The following LRBA variants were observed in gnomAD, a reference collection of about 807,000 sequenced individuals.
LRBA encodes LPS responsive beige-like anchor protein, also known as lipopolysaccharide-responsive and beige-like anchor protein.
In LRBA, 176 loss-of-function variants were observed where a neutral mutation model predicts 330.0. The ratio of observed to expected loss-of-function variants is 0.53; its 90% CI spans 0.47 to 0.60. LRBA has a LOEUF of 0.60. Among genes scored for constraint, LRBA ranks in the 20% least tolerant of loss-of-function variants. The pLI is 0.00. For missense variants in LRBA, 3,259 were observed against 3,444.8 expected (o/e 0.95, Z 1.35); for synonymous variants, 1,230 against 1,193.0 (o/e 1.03, Z -0.64).
chr4:150,869,452 G>C (rs562742885), intron 20 of LRBA, among the ~76,000 whole-genome samples: 2 of 152,222 alleles, frequency 1.3e-5, no homozygotes, highest in East Asian at 3.9e-4. Flanking sequence ...ACTTTGGGAG[G>C]CTGAGGCAGT....
At chr4:150,625,921 G>T (rs754252826) in intron 37 of LRBA, among the ~76,000 whole-genome samples, 1 of 151,732 alleles carries the variant, frequency 6.6e-6, no homozygotes, top group Non-Finnish European at 1.5e-5. Context: ...TGTTGGCCAG[G>T]CTGGTCTTGA....
chr4:150,741,977 C>T (rs1732041234), intron 35 of LRBA, among the ~76,000 whole-genome samples: 1 of 151,852 alleles, frequency 6.6e-6, no homozygotes, highest in African/African-American at 2.4e-5. Flanking sequence ...TTCTGATTAG[C>T]GCTTTTATAA....
chr4:150,302,198 CT>C (rs1430559584), intron 53 of LRBA, among the ~76,000 whole-genome samples: 2 of 152,086 alleles, frequency 1.3e-5, no homozygotes, highest in African/African-American at 2.4e-5. Flanking sequence ...CCTGTTTTAT[CT>C]TTTTAATACA....
intron 36 of LRBA, among the ~76,000 whole-genome samples, chr4:150,700,691 T>C (rs1400374109): frequency 6.6e-6 from 1 of 152,220 alleles, no homozygotes; most frequent in South Asian, 2.1e-4. Flanking sequence ...AATAACACAG[T>C]TTAAAATGCA....
At chr4:150,387,668 G>A (rs1044069960) in intron 47 of LRBA, among the ~76,000 whole-genome samples, 1 of 152,062 alleles carries the variant, frequency 6.6e-6, no homozygotes, top group African/African-American at 2.4e-5. Context: ...AATTCTATAA[G>A]AATTCAAGGG....
At chr4:150,556,465 A>C (rs1767327344) in intron 40 of LRBA, among the ~76,000 whole-genome samples, 1 of 152,234 alleles carries the variant, frequency 6.6e-6, no homozygotes, top group African/African-American at 2.4e-5. Context: ...CATAGTTGGC[A>C]TACTGGCAGA....
intron 34 of LRBA, among the ~76,000 whole-genome samples, chr4:150,763,280 C>A (rs1735339359): frequency 6.6e-6 from 1 of 151,960 alleles, no homozygotes; most frequent in Admixed American, 6.6e-5. Context: ...TATCCTTAGG[C>A]ATATCGTGCT....
intron 40 of LRBA, among the ~76,000 whole-genome samples, chr4:150,567,633 TTAA>T (rs1272400116): frequency 1.4e-4 from 22 of 152,296 alleles, no homozygotes; most frequent in Admixed American, 5.9e-4. Context: ...ATTATGACAA[TTAA>T]AGTGCTTAGC....
chr4:150,395,303 A>G (rs184099112), intron 47 of LRBA, among the ~76,000 whole-genome samples: 3 of 152,218 alleles, frequency 2.0e-5, no homozygotes, highest in African/African-American at 7.2e-5. Context: ...TGTAATGCCT[A>G]TTTCAATTGT....
At chr4:150,587,281 T>C in intron 40 of LRBA, among the ~76,000 whole-genome samples, 1 of 152,190 alleles carries the variant, frequency 6.6e-6, no homozygotes, top group East Asian at 1.9e-4. Flanking sequence ...TACATGTACA[T>C]AACATATGCT....
intron 40 of LRBA, among the ~76,000 whole-genome samples, chr4:150,554,218 T>C (rs927572345): frequency 2.0e-5 from 3 of 151,250 alleles, no homozygotes; most frequent in African/African-American, 7.2e-5. Context: ...ATTGATTTCA[T>C]CCCCATATCT....
chr4:150,395,579 A>G (rs1744621583), intron 47 of LRBA, among the ~76,000 whole-genome samples: 1 of 152,124 alleles, frequency 6.6e-6, no homozygotes. Flanking sequence ...TAAATTAAAT[A>G]TAATTATATC....
chr4:150,973,936 T>C (rs1171758921), intron 2 of LRBA, among the ~76,000 whole-genome samples: 2 of 152,196 alleles, frequency 1.3e-5, no homozygotes, highest in African/African-American at 4.8e-5. Flanking sequence ...CACACATTAA[T>C]CAAGCAGCTA....
At chr4:150,578,849 T>C (rs1770863005) in intron 40 of LRBA, among the ~76,000 whole-genome samples, 1 of 152,214 alleles carries the variant, frequency 6.6e-6, no homozygotes, top group Admixed American at 6.5e-5. Context: ...CTTCCCTTTT[T>C]AGGAATGTCC....
intron 42 of LRBA, among the ~76,000 whole-genome samples, chr4:150,479,087 C>T (rs1388749196): frequency 6.6e-6 from 1 of 151,902 alleles, no homozygotes. Context: ...ACTTTGAGAT[C>T]AGCCTGGACA....
intron 22 of LRBA, among the ~76,000 whole-genome samples, chr4:150,862,012 T>G (rs892492528): frequency 1.3e-5 from 2 of 151,528 alleles, no homozygotes; most frequent in Non-Finnish European, 2.9e-5. Flanking sequence ...ATGGTGATCA[T>G]TAAAAAATAA....
At chr4:150,976,534 T>C (rs776197937) in intron 2 of LRBA, among the ~76,000 whole-genome samples, 9 of 152,346 alleles carry the variant, frequency 5.9e-5, no homozygotes, top group Middle Eastern at 3.4e-3. Flanking sequence ...TAATATGTTA[T>C]ATATGTTACT....
chr4:150,471,826 C>T (rs1440285838), intron 42 of LRBA, 87 bp from the exon 43 acceptor site: 1 of 722,672 alleles, frequency 1.4e-6, no homozygotes, highest in South Asian at 1.6e-5. Context: ...TTCATAATAT[C>T]TATAATTCTG....
intron 47 of LRBA, among the ~76,000 whole-genome samples, chr4:150,402,997 G>T (rs765914023): frequency 6.6e-6 from 1 of 152,026 alleles, no homozygotes; most frequent in Non-Finnish European, 1.5e-5. Context: ...TCTTTGCTAA[G>T]AAATTTTCGT....
Sources: allele counts gnomAD v4.1 joint callset (sites outside exome capture counted in the v4.1 genomes callset), GRCh38; gene constraint gnomAD v4.1.1; transcripts MANE v1.5; gene names NCBI Gene and HGNC (gene_info 2026-07-23, HGNC 2026-07-21).